MPP7: variants seen among roughly 807,000 people sequenced by gnomAD.
The protein encoded by MPP7 is MAGUK p55 scaffold protein 7, also known as MAGUK p55 subfamily member 7.
MPP7 carries 60 observed loss-of-function variants against 76.5 expected under a neutral mutation model. The ratio of observed to expected loss-of-function variants is 0.78; its 90% CI spans 0.64 to 0.97. MPP7 has a LOEUF of 0.97. MPP7 is among the 50% of genes least tolerant of loss of function. The pLI is 0.00. For missense variants in MPP7, 641 were observed against 694.0 expected (o/e 0.92, Z 0.86); for synonymous variants, 237 against 244.5 (o/e 0.97, Z 0.29).
At chr10:28,227,759 T>C (rs1425732214) in intron 2 of MPP7, among the ~76,000 whole-genome samples, 2 of 152,204 alleles carry the variant, frequency 1.3e-5, no homozygotes, top group African/African-American at 4.8e-5. Flanking sequence ...TTTGCTACTG[T>C]GAATAATGCT....
At chr10:28,317,259 G>A (rs1261584957) in intron 2 of MPP7, among the ~76,000 whole-genome samples, 1 of 152,174 alleles carries the variant, frequency 6.6e-6, no homozygotes, top group Non-Finnish European at 1.5e-5. Flanking sequence ...TGGACACAGT[G>A]GCTCACACCT....
chr10:28,279,485 T>G (rs928408356), intron 1 of MPP7, among the ~76,000 whole-genome samples: 1 of 151,870 alleles, frequency 6.6e-6, no homozygotes, highest in African/African-American at 2.4e-5. Context: ...TCCCATCACT[T>G]TGGGAGGCCG....
chr10:28,314,272 C>T (rs1056384154), intron 2 of MPP7, among the ~76,000 whole-genome samples: 6 of 152,150 alleles, frequency 3.9e-5, no homozygotes, highest in Non-Finnish European at 5.9e-5. Context: ...AAATCCATAG[C>T]CTCTCAGAGT....
intron 12 of MPP7, among the ~76,000 whole-genome samples, chr10:28,083,637 A>T (rs1248715180): frequency 6.7e-6 from 1 of 149,652 alleles, no homozygotes; most frequent in Non-Finnish European, 1.5e-5. Flanking sequence ...TCCTGGGTTC[A>T]AGTGAGTCTC....
intron 8 of MPP7, among the ~76,000 whole-genome samples, chr10:28,123,521 T>G (rs1273011553): frequency 7.1e-6 from 1 of 141,580 alleles, no homozygotes; most frequent in Non-Finnish European, 1.5e-5. Context: ...CAGGCTGGAG[T>G]GCAGTGGTGT....
At chr10:28,250,827 C>T (rs1839591122) in intron 1 of MPP7, among the ~76,000 whole-genome samples, 1 of 152,128 alleles carries the variant, frequency 6.6e-6, no homozygotes, top group African/African-American at 2.4e-5. Context: ...ATGTATGTTA[C>T]CACACTGCCT....
intron 11 of MPP7, chr10:28,118,861 G>T (rs1306440004): frequency 1.0e-6 from 1 of 985,210 alleles, no homozygotes; most frequent in Admixed American, 6.2e-5. Flanking sequence ...AACAGATGTT[G>T]GTGTAAAATT....
At chr10:28,162,820 C>T (rs1286943079) in intron 3 of MPP7, among the ~76,000 whole-genome samples, 1 of 152,134 alleles carries the variant, frequency 6.6e-6, no homozygotes, top group Non-Finnish European at 1.5e-5. Flanking sequence ...TTTTGTCTTG[C>T]AGGTACATGC....
intron 3 of MPP7, among the ~76,000 whole-genome samples, chr10:28,179,172 C>T (rs1836976824): frequency 1.3e-5 from 2 of 152,154 alleles, no homozygotes; most frequent in Admixed American, 1.3e-4. Context: ...AATTTCTCCT[C>T]CAACACACTC....
chr10:28,170,309 T>C (rs1201839266), intron 3 of MPP7, among the ~76,000 whole-genome samples: 1 of 151,934 alleles, frequency 6.6e-6, no homozygotes, highest in Non-Finnish European at 1.5e-5. Context: ...ATCCCACAAA[T>C]ATCACCTTTC....
chr10:28,254,468 C>T (rs1464090068), intron 1 of MPP7, among the ~76,000 whole-genome samples: 4 of 152,158 alleles, frequency 2.6e-5, no homozygotes, highest in Non-Finnish European at 2.9e-5. Context: ...AAATCCAACT[C>T]TTAAAACAGT....
chr10:28,184,915 TAA>T (rs890307338), intron 3 of MPP7, among the ~76,000 whole-genome samples: 7 of 147,366 alleles, frequency 4.8e-5, no homozygotes, highest in East Asian at 1.9e-4. Flanking sequence ...CAAATTATTA[TAA>T]GTTATTATAT....
intron 1 of MPP7, among the ~76,000 whole-genome samples, chr10:28,265,622 C>T (rs1013328285): frequency 5.9e-5 from 9 of 152,116 alleles, no homozygotes; most frequent in South Asian, 2.1e-4. Context: ...ACTCTTTTTC[C>T]AACAAATGGT....
intron 1 of MPP7, among the ~76,000 whole-genome samples, chr10:28,296,010 T>C (rs1841028117): frequency 6.6e-6 from 1 of 152,230 alleles, no homozygotes; most frequent in African/African-American, 2.4e-5. Flanking sequence ...CATACTCAAG[T>C]CATTAATTTT....
At chr10:28,300,506 A>G (rs963068832) in intron 1 of MPP7, among the ~76,000 whole-genome samples, 5 of 152,222 alleles carry the variant, frequency 3.3e-5, no homozygotes, top group African/African-American at 7.2e-5. Context: ...AGTTAAATAA[A>G]GCCACTAAAA....
At chr10:28,330,320 G>T (rs2133192378) in intron 1 of MPP7, among the ~76,000 whole-genome samples, 1 of 152,288 alleles carries the variant, frequency 6.6e-6, no homozygotes, top group African/African-American at 2.4e-5. Context: ...GAGAAGGATG[G>T]CTTGAGCCCA....
At chr10:28,310,508 A>G (rs978861215) in intron 2 of MPP7, among the ~76,000 whole-genome samples, 6 of 152,188 alleles carry the variant, frequency 3.9e-5, no homozygotes, top group Non-Finnish European at 8.8e-5. Context: ...GCAACTTTCA[A>G]TTATATACCA....
chr10:28,154,585 C>G (rs1835989261), intron 3 of MPP7, among the ~76,000 whole-genome samples: 1 of 152,074 alleles, frequency 6.6e-6, no homozygotes, highest in African/African-American at 2.4e-5. Context: ...AGCAACAAAC[C>G]ATCAACATTT....
intron 3 of MPP7, among the ~76,000 whole-genome samples, chr10:28,155,598 C>CAAA (rs71391013): frequency 8.0e-6 from 1 of 124,632 alleles, no homozygotes; most frequent in African/African-American, 3.3e-5. Flanking sequence ...ACCCTGTCTC[C>CAAA]AAAAAAAAAA....
Sources: allele counts gnomAD v4.1 joint callset (sites outside exome capture counted in the v4.1 genomes callset), GRCh38; gene constraint gnomAD v4.1.1; transcripts MANE v1.5; gene names NCBI Gene and HGNC (gene_info 2026-07-23, HGNC 2026-07-21).